UBE2V2: variants seen among roughly 807,000 people sequenced by gnomAD.
UBE2V2 encodes ubiquitin conjugating enzyme E2 V2.
In UBE2V2, 9 loss-of-function variants were observed where a neutral mutation model predicts 17.2. The ratio of observed to expected loss-of-function variants is 0.52; its 90% confidence interval spans 0.32 to 0.91. The LOEUF is 0.91. Among genes scored for constraint, UBE2V2 ranks in the 40% least tolerant of loss-of-function variants. The probability of loss-of-function intolerance (pLI) is 0.04; values close to 1 mark genes in which losing one functional copy is unlikely to be tolerated. For missense variants in UBE2V2, 133 were observed against 182.6 expected, an observed-to-expected ratio of 0.73 and a Z score of 1.56; for synonymous variants, 61 against 57.5, an observed-to-expected ratio of 1.06 and a Z score of -0.28.
At position 48,062,819 on chromosome 8, in the gene UBE2V2, G is replaced by A. The variant is rs1324610699; in HGVS notation, c.*1991G>A. On this transcript the variant is annotated 3_prime_UTR_variant, in exon 4 of 4. Transcript: ENST00000523111. ...TTTAATTATCAAAAATGTTTAAAAT[G>A]CTTTAAGATGACACATAGAGAACAT... 2.0e-5 allele frequency: 3 copies of A among 152,060 alleles called. No homozygotes were observed. The highest frequency in any genetic ancestry group is 2.0e-4 in the Admixed American group (3 of 15,252). The allele number at this position is 152,060 out of a possible 1,614,324, so 9.4% of individuals were successfully genotyped here.
chr8:48,003,213 CAAA>C, the UBE2V2 span, among the ~76,000 whole-genome samples: 10 of 58,562 alleles, frequency 1.7e-4, no homozygotes, highest in Admixed American at 1.9e-4. Flanking sequence ...CTGTCTCAAA[CAAA>C]AAAAAAAAAA....
At chr8:48,044,355 G>GC (rs2091484315) in intron 2 of UBE2V2, among the ~76,000 whole-genome samples, 1 of 152,090 alleles carries the variant, frequency 6.6e-6, no homozygotes, top group Non-Finnish European at 1.5e-5. Flanking sequence ...CACCATGTCG[G>GC]CCAGGCTGGT....
chr8:48,008,330 T>G (rs2091199512), upstream of UBE2V2: 1 of 1,316,618 alleles, frequency 7.6e-7, no homozygotes, highest in African/African-American at 1.6e-5. Flanking sequence ...GCGCTGTCCC[T>G]CGGGTCGCCC....
intron 1 of UBE2V2, among the ~76,000 whole-genome samples, chr8:48,021,386 A>T (rs968240707): frequency 2.1e-5 from 3 of 142,082 alleles, no homozygotes; most frequent in Non-Finnish European, 4.5e-5. Flanking sequence ...GGCTCACTGT[A>T]AGCTCTGCCT....
chr8:48,056,027 G>A (rs1250877563), intron 3 of UBE2V2, among the ~76,000 whole-genome samples: 1 of 152,094 alleles, frequency 6.6e-6, no homozygotes, highest in Non-Finnish European at 1.5e-5. Flanking sequence ...CAAAGTGCTG[G>A]GATTACAGGC....
chr8:48,018,062 C>G (rs1274320599), intron 1 of UBE2V2, among the ~76,000 whole-genome samples: 1 of 152,042 alleles, frequency 6.6e-6, no homozygotes, highest in African/African-American at 2.4e-5. Context: ...GTCTCGAACT[C>G]CTGACCTCAG....
upstream of UBE2V2, chr8:48,008,406 CG>C: frequency 6.4e-7 from 1 of 1,554,224 alleles, no homozygotes; most frequent in Non-Finnish European, 8.7e-7. Context: ...AAGTGACGCG[CG>C]ACGGTTCGTG....
the UBE2V2 span, among the ~76,000 whole-genome samples, chr8:47,998,780 C>G: frequency 6.6e-6 from 1 of 151,810 alleles, no homozygotes. Flanking sequence ...GTAAGGTCAG[C>G]CAAGAGAAAG....
At chr8:48,039,993 A>G (rs2091450618) in intron 1 of UBE2V2, among the ~76,000 whole-genome samples, 1 of 150,176 alleles carries the variant, frequency 6.7e-6, no homozygotes, top group Non-Finnish European at 1.5e-5. Flanking sequence ...GCCTCCCAAA[A>G]TGCTGGGTTT....
chr8:48,005,776 T>C (rs920197889), upstream of UBE2V2, among the ~76,000 whole-genome samples: 7 of 152,236 alleles, frequency 4.6e-5, no homozygotes, highest in African/African-American at 1.7e-4. Context: ...CCAGTGATGA[T>C]GAGCTTTTTT....
chr8:48,059,560 C>T (rs1405639597), intron 3 of UBE2V2, among the ~76,000 whole-genome samples: 2 of 152,000 alleles, frequency 1.3e-5, no homozygotes, highest in African/African-American at 2.4e-5. Context: ...AGGCACGTGC[C>T]ACCACACCTG....
intron 3 of UBE2V2, 95 bp downstream of exon 3, chr8:48,050,073 T>C: frequency 4.3e-6 from 4 of 933,888 alleles, no homozygotes; most frequent in Non-Finnish European, 5.8e-6. Context: ...GATATTAATA[T>C]GTAGTTAGGA....
intron 1 of UBE2V2, among the ~76,000 whole-genome samples, chr8:48,012,209 C>T (rs889538140): frequency 6.6e-6 from 1 of 152,130 alleles, no homozygotes; most frequent in Non-Finnish European, 1.5e-5. Context: ...TTGTTTCAGA[C>T]TCTTAGATCC....
intron 2 of UBE2V2, among the ~76,000 whole-genome samples, chr8:48,048,543 A>G (rs547825472): frequency 6.6e-6 from 1 of 152,196 alleles, no homozygotes; most frequent in Non-Finnish European, 1.5e-5. Flanking sequence ...CATGAGATCT[A>G]TCTGATTTTA....
At chr8:48,049,792 C>A in intron 2 of UBE2V2, 61 bp from the exon 3 acceptor site, 7 of 1,392,138 alleles carry the variant, frequency 5.0e-6, no homozygotes, top group East Asian at 2.5e-5. Context: ...TTTTTTAGCA[C>A]TTAGACATTA....
At chr8:48,012,576 G>T (rs2091240336) in intron 1 of UBE2V2, among the ~76,000 whole-genome samples, 1 of 151,806 alleles carries the variant, frequency 6.6e-6, no homozygotes, top group African/African-American at 2.4e-5. Context: ...AAATTATCCG[G>T]GCGTGGTGGC....
At chr8:48,047,172 C>T (rs2154507851) in intron 2 of UBE2V2, among the ~76,000 whole-genome samples, 1 of 152,202 alleles carries the variant, frequency 6.6e-6, no homozygotes, top group African/African-American at 2.4e-5. Flanking sequence ...AACTCCCAAC[C>T]TCAGGTGATC....
At chr8:48,001,093 A>G in the UBE2V2 span, among the ~76,000 whole-genome samples, 1 of 152,054 alleles carries the variant, frequency 6.6e-6, no homozygotes, top group African/African-American at 2.4e-5. Context: ...CACCTTCATT[A>G]TTGAGCTCTC....
chr8:48,023,113 A>G (rs939464285), intron 1 of UBE2V2, among the ~76,000 whole-genome samples: 3 of 151,882 alleles, frequency 2.0e-5, no homozygotes, highest in African/African-American at 7.3e-5. Flanking sequence ...GTCTTGGAGT[A>G]GTCTTATTTG....
Sources: allele counts gnomAD v4.1 joint callset (sites outside exome capture counted in the v4.1 genomes callset), GRCh38; gene constraint gnomAD v4.1.1; transcripts MANE v1.5; gene names NCBI Gene and HGNC (gene_info 2026-07-23, HGNC 2026-07-21).